Variants in NYAP2 observed in about 807,000 individuals in gnomAD.
NYAP2 encodes the protein neuronal tyrosine-phosphorylated phosphoinositide-3-kinase adapter 2.
A neutral mutation model predicts 50.4 loss-of-function variants in NYAP2; 23 were observed. That is an observed-to-expected ratio of 0.46 (90% CI 0.33 to 0.65). NYAP2 has a LOEUF of 0.65. NYAP2 is among the 30% of genes least tolerant of loss of function. The probability of loss-of-function intolerance (pLI) is 0.02; values close to 1 mark genes in which losing one functional copy is unlikely to be tolerated. For synonymous variants in NYAP2, 394 were observed against 365.2 expected (o/e 1.08, Z -0.90); for missense variants, 885 against 861.0 (o/e 1.03, Z -0.35).
intron 3 of NYAP2, among the ~76,000 whole-genome samples, chr2:225,492,157 T>C (rs1430728492): frequency 1.3e-5 from 2 of 152,166 alleles, no homozygotes; most frequent in Non-Finnish European, 2.9e-5. Context: ...GAAGAGCAAA[T>C]GCCCATGTGT....
chr2:225,639,749 G>A (rs149724092), intron 6 of NYAP2, among the ~76,000 whole-genome samples: 2 of 152,148 alleles, frequency 1.3e-5, no homozygotes, highest in African/African-American at 2.4e-5. Flanking sequence ...GTGAGGGAGA[G>A]AGCCATTACA....
At chr2:225,665,807 T>TAAA in the NYAP2 span, among the ~76,000 whole-genome samples, 254 of 20,980 alleles carry the variant, frequency 0.012, 68 homozygotes, top group Middle Eastern at 0.25. Flanking sequence ...AGCCTCCGTC[T>TAAA]AAAAAAAAAA....
chr2:225,562,218 G>T (rs1417292101), intron 4 of NYAP2, among the ~76,000 whole-genome samples: 1 of 152,086 alleles, frequency 6.6e-6, no homozygotes, highest in East Asian at 1.9e-4. Flanking sequence ...TTCTGCTATT[G>T]CTTTGTGTGG....
chr2:225,553,738 A>G (rs1419581763), intron 4 of NYAP2, among the ~76,000 whole-genome samples: 2 of 152,160 alleles, frequency 1.3e-5, no homozygotes, highest in Non-Finnish European at 2.9e-5. Flanking sequence ...ATCAACTTTT[A>G]TCAAGAATTC....
intron 5 of NYAP2, among the ~76,000 whole-genome samples, chr2:225,600,234 G>A (rs1287630591): frequency 2.6e-5 from 4 of 152,174 alleles, no homozygotes; most frequent in East Asian, 1.9e-4. Flanking sequence ...GTTCCTGAGT[G>A]GAGGCCACAA....
At chr2:225,649,454 G>A (rs1693693756) in intron 6 of NYAP2, among the ~76,000 whole-genome samples, 1 of 152,170 alleles carries the variant, frequency 6.6e-6, no homozygotes, top group African/African-American at 2.4e-5. Context: ...CCAGAACACA[G>A]TGGATACTCT....
At chr2:225,445,575 A>G (rs1689539387) in intron 3 of NYAP2, among the ~76,000 whole-genome samples, 1 of 152,086 alleles carries the variant, frequency 6.6e-6, no homozygotes, top group Admixed American at 6.5e-5. Flanking sequence ...TATTGGGAAA[A>G]CTAAATTCTA....
At chr2:225,645,535 T>A (rs572909139) in intron 6 of NYAP2, among the ~76,000 whole-genome samples, 2 of 152,016 alleles carry the variant, frequency 1.3e-5, no homozygotes, top group African/African-American at 2.4e-5. Context: ...CATTTTTTTC[T>A]TATTCTCTTT....
At chr2:225,655,876 A>G (rs564916338), downstream of NYAP2, among the ~76,000 whole-genome samples, 14 of 138,658 alleles carry the variant, frequency 1.0e-4, no homozygotes, top group East Asian at 4.2e-4. Context: ...TGAGAGCCAC[A>G]ACCTCCACTA....
downstream of NYAP2, among the ~76,000 whole-genome samples, chr2:225,658,630 G>A (rs1693863764): frequency 6.6e-6 from 1 of 152,146 alleles, no homozygotes; most frequent in African/African-American, 2.4e-5. Context: ...ATTATCTTAT[G>A]TGTGCTTTAT....
chr2:225,601,181 C>T (rs999521365), intron 5 of NYAP2, among the ~76,000 whole-genome samples: 2 of 149,350 alleles, frequency 1.3e-5, no homozygotes, highest in Admixed American at 6.7e-5. Flanking sequence ...AGAGCAGTGA[C>T]GCGATCTTGG....
chr2:225,517,432 C>G (rs2106188293), intron 4 of NYAP2, among the ~76,000 whole-genome samples: 1 of 152,238 alleles, frequency 6.6e-6, no homozygotes, highest in South Asian at 2.1e-4. Flanking sequence ...TAGCCGATTC[C>G]TCAATAATGT....
At chr2:225,546,375 G>C (rs962596319) in intron 4 of NYAP2, among the ~76,000 whole-genome samples, 1 of 152,082 alleles carries the variant, frequency 6.6e-6, no homozygotes, top group African/African-American at 2.4e-5. Flanking sequence ...TTCTACTGTT[G>C]CTAAGCTGGC....
chr2:225,651,575 A>T, exon 7 of NYAP2: 1 of 1,613,284 alleles, frequency 6.2e-7, no homozygotes, highest in Non-Finnish European at 8.5e-7. Context: ...ACTTCCTGTG[A>T]TACAACTTGC....
rs1238448512 is a variant in NYAP2, at chr2:225,505,100, GT to G, written c.222-8264del. Among the ~76,000 whole-genome samples the G allele has an allele frequency of 6.0e-5, 9 of 151,184 alleles. No individual in the cohort carries two copies. The East Asian group carries it at 1.4e-3, about 23-fold the overall frequency. On this transcript the variant is annotated intron_variant, in intron 3 of 6. Transcript: ENST00000636099. ...AGTCCTTTCTCTTCAGGACAGTTTT[GT>G]TTTTTTCTTGTCATTTTATTTTGTT...
chr2:225,530,181 A>G (rs894970898), intron 4 of NYAP2, among the ~76,000 whole-genome samples: 1 of 152,200 alleles, frequency 6.6e-6, no homozygotes, highest in East Asian at 1.9e-4. Flanking sequence ...AGTAATGGAA[A>G]GAAATCTTTC....
chr2:225,503,410 G>T (rs370844388), intron 3 of NYAP2, among the ~76,000 whole-genome samples: 14 of 152,102 alleles, frequency 9.2e-5, no homozygotes, highest in Non-Finnish European at 1.8e-4. Flanking sequence ...AGATTCCAAA[G>T]TACCGTAGAT....
chr2:225,596,441 A>G (rs1489017921), intron 5 of NYAP2, among the ~76,000 whole-genome samples: 1 of 152,204 alleles, frequency 6.6e-6, no homozygotes, highest in East Asian at 1.9e-4. Flanking sequence ...GTGTATGCTC[A>G]GCATGTGTTC....
chr2:225,556,678 T>C (rs1316425803), intron 4 of NYAP2, among the ~76,000 whole-genome samples: 1 of 152,176 alleles, frequency 6.6e-6, no homozygotes, highest in East Asian at 1.9e-4. Context: ...GGTGCAATAG[T>C]TTGTACAGTC....
Sources: gnomAD v4.1 joint callset for allele counts (sites outside exome capture counted in the v4.1 genomes callset) on GRCh38, gnomAD v4.1.1 for gene constraint, MANE v1.5 for transcripts, NCBI Gene and HGNC (gene_info 2026-07-23, HGNC 2026-07-21) for gene names.